The following TSC1 variants were observed in gnomAD, a reference collection of about 807,000 sequenced individuals.
The protein encoded by TSC1 is TSC complex subunit 1.
In TSC1, 20 loss-of-function variants were observed where a neutral mutation model predicts 124.3. The ratio of observed to expected loss-of-function variants is 0.16; its 90% confidence interval spans 0.11 to 0.23. The LOEUF is 0.23. Among genes scored for constraint, TSC1 ranks in the 10% least tolerant of loss-of-function variants. The pLI is 1.00. For missense variants in TSC1, 1,124 were observed against 1,448.5 expected (o/e 0.78, Z 3.64); for synonymous variants, 493 against 539.1 (o/e 0.91, Z 1.19).
Position 132,895,959 on chromosome 9 carries a change from A to C in TSC1, c.*276T>G. On this transcript the variant is annotated 3_prime_UTR_variant, in exon 23 of 23. Coordinates refer to ENST00000298552, the MANE Select transcript of TSC1 (RefSeq NM_000368.5). ...CATTTGGGGGGGAAAGGAAGAAAGTAAAGCTACTGAGGAACACCAACTGGC... is the reference window on the plus strand; with the variant it reads ...CATTTGGGGGGGAAAGGAAGAAAGTCAAGCTACTGAGGAACACCAACTGGC... 1 of 516,652 alleles carries C rather than the reference A, an allele frequency of 1.9e-6. No individual in the cohort carries two copies. The highest frequency in any genetic ancestry group is 3.4e-5 in the East Asian group (1 of 29,798). The allele number at this position is 516,652 out of a possible 1,614,324, so 32.0% of individuals were successfully genotyped here.
intron 2 of TSC1, among the ~76,000 whole-genome samples, chr9:132,931,997 T>C (rs1301271249): frequency 1.3e-5 from 2 of 152,214 alleles, no homozygotes; most frequent in Admixed American, 6.5e-5. Context: ...AGCATCAGTG[T>C]GTTAGCCACA....
intron 1 of TSC1, among the ~76,000 whole-genome samples, chr9:132,937,063 G>A (rs1412222368): frequency 6.6e-6 from 1 of 152,230 alleles, no homozygotes; most frequent in Non-Finnish European, 1.5e-5. Context: ...AGGCAGGCTG[G>A]CCCTCCAGAA....
chr9:132,901,548 T>C (rs1001342661), intron 19 of TSC1, 41 bp downstream of exon 19: 13 of 1,521,436 alleles, frequency 8.5e-6, no homozygotes, highest in Non-Finnish European at 1.2e-5. Flanking sequence ...TGTTAGCAAA[T>C]GGTGTTTCAG....
chr9:132,898,250 G>A (rs574213791), intron 20 of TSC1, among the ~76,000 whole-genome samples: 3 of 152,342 alleles, frequency 2.0e-5, no homozygotes, highest in South Asian at 4.1e-4. Context: ...TTTGTTGATC[G>A]TGCTAAGGCA....
rs1444930675 is a variant in TSC1 at position 132,891,807 on chromosome 9, G to A, written c.*4428C>T. On this transcript the variant is annotated 3_prime_UTR_variant, in exon 23 of 23. Coordinates refer to ENST00000298552, the MANE Select transcript of TSC1 (RefSeq NM_000368.5). Reference sequence around the variant, plus strand: ...AAATGCGTGGCTGCCTCTTTCATAAGCCAAAGTACTTGCTACACAGAGCAG... The same window carrying A: ...AAATGCGTGGCTGCCTCTTTCATAAACCAAAGTACTTGCTACACAGAGCAG... 3 of 233,536 alleles carry A rather than the reference G, an allele frequency of 1.3e-5. No homozygotes were observed. The highest frequency in any genetic ancestry group is 1.8e-4 in the South Asian group (1 of 5,534). The allele number at this position is 233,536 out of a possible 1,614,324, so 14.5% of individuals were successfully genotyped here. A position where few individuals can be genotyped will look rare whatever the true frequency, so the allele number is the denominator to read the frequency against.
rs753784286 is a variant in TSC1, at chr9:132,893,492, C to T, written c.*2743G>A. 13 of 233,240 alleles carry T rather than the reference C, an allele frequency of 5.6e-5. No individual in the cohort carries two copies. The highest frequency in any genetic ancestry group is 6.8e-5 in the Non-Finnish European group (8 of 118,032). 14.4% of individuals were successfully genotyped at this position (233,240 alleles called of 1,614,324 possible). A position where few individuals can be genotyped will look rare whatever the true frequency, so the allele number is the denominator to read the frequency against. ...TGTGTTTATTCACCTGCAGGGACTC[C>T]GGAGCTCATTTGCTCTGCGTCTTCC... On this transcript the variant is annotated 3_prime_UTR_variant, in exon 23 of 23. Transcript: ENST00000298552.
rs759648118 is a variant in TSC1 at position 132,925,759 on chromosome 9, AG to A, written c.211-21del. ...GAGGTGCTGAAAATGTAAAAGAACA[AG>A]GGCAGTCCTCACATGAATGTATGAA... On this transcript the variant is annotated intron_variant, in intron 4 of 22. Coordinates refer to ENST00000298552, the MANE Select transcript of TSC1 (RefSeq NM_000368.5). 6.2e-7 allele frequency: 1 copy of A among 1,614,200 alleles called. No homozygotes were observed. Among genetic ancestry groups the A allele is most frequent in the Non-Finnish European group, 8.5e-7 (1 of 1,180,002 alleles).
At chr9:132,937,270 C>G (rs985593971) in intron 1 of TSC1, among the ~76,000 whole-genome samples, 8 of 152,232 alleles carry the variant, frequency 5.3e-5, no homozygotes, top group African/African-American at 1.9e-4. Flanking sequence ...ATGGAGAAAC[C>G]CCATCTCTAC....
At chr9:132,911,589 A>T (rs7026879) in intron 9 of TSC1, 21 bp from the exon 10 acceptor site, 3 of 1,175,176 alleles carry the variant, frequency 2.6e-6, no homozygotes, top group Non-Finnish European at 3.8e-6. Context: ...AGAGAAGAAC[A>T]CAGGGGGTTA....
chr9:132,944,652 G>A (rs1355216302), upstream of TSC1: 2 of 398,638 alleles, frequency 5.0e-6, no homozygotes, highest in South Asian at 1.3e-4. Context: ...CAAGGCCGAC[G>A]GCGGCCTCCG....
At position 132,903,795 on chromosome 9, in the gene TSC1, G is replaced by A. The variant is rs878853963; in HGVS notation, c.2064C>T (p.Ile688=). The A allele has an allele frequency of 1.9e-6, 3 of 1,613,866 alleles. No individual in the cohort carries two copies. The East Asian group carries it at 6.7e-5, about 36-fold the overall frequency. ...AAAGCAACTGGTCTCGGAGGGTGCG[G>A]ATCTCATCTGAAGGAGGAGAGCCTG... The part of the protein sequence containing the change: ...HFGGSPPSDE[I]RTLRDQLLLL... The change falls in exon 17 of 23, where the codon ATC becomes ATT. Residue 688 remains isoleucine (I), a synonymous_variant. Coordinates refer to ENST00000298552, the MANE Select transcript of TSC1 (RefSeq NM_000368.5). The surrounding 1 kb of genome is among the most constrained non-coding windows in gnomAD (Gnocchi z 5.9).
Position 132,923,542 on chromosome 9 carries a change from G to A in TSC1, c.364-50C>T, listed in dbSNP as rs971589702. On this transcript the variant is annotated intron_variant, in intron 5 of 22. Coordinates refer to ENST00000298552, the MANE Select transcript of TSC1 (RefSeq NM_000368.5). The surrounding 1 kb of genome is among the most constrained non-coding windows in gnomAD (Gnocchi z 4.2). ...AAACGTCTGTCAGGCACTGGCACCA[G>A]GATCGGCATTGTACAGTACATGAAG... 3.1e-6 allele frequency: 5 copies of A among 1,613,218 alleles called. No individual in the cohort carries two copies. The highest frequency in any genetic ancestry group is 4.2e-6 in the Non-Finnish European group (5 of 1,179,486).
Position 132,900,820 on chromosome 9 carries a change from C to G in TSC1, c.2520G>C (p.Ser840=), listed in dbSNP as rs547498792. The change falls in exon 20 of 23, where the codon TCG becomes TCC. Residue 840 remains serine (S), a synonymous_variant. Transcript: ENST00000298552. ...QVSQKLSNSE[S]VQQQMEFLNR... ...TCAAGAACTCCATCTGCTGCTGGAC[C>G]GACTCACTGTTTGAGAGCTAACCAA... 3 of 1,614,104 alleles carry G rather than the reference C, an allele frequency of 1.9e-6. No individual in the cohort carries two copies. In the South Asian group the frequency reaches 3.3e-5, roughly 18 times the overall value.
chr9:132,908,161 T>C (rs1845766013), intron 12 of TSC1, among the ~76,000 whole-genome samples: 3 of 152,216 alleles, frequency 2.0e-5, no homozygotes, highest in Admixed American at 6.5e-5. Flanking sequence ...ATTATTATAT[T>C]AGAAAACCAG....
rs1844826078 is a variant in TSC1, at chr9:132,892,531, A to C, written c.*3704T>G. ...CCCCCTGGGGGAACAACTCTCCAAG[A>C]GTATCCGCAGGAGGTGGGCGGCACC... On this transcript the variant is annotated 3_prime_UTR_variant, in exon 23 of 23. Transcript: ENST00000298552. 4.3e-6 allele frequency: 1 copy of C among 233,320 alleles called. No homozygotes were observed. The highest frequency in any genetic ancestry group is 2.2e-5 in the African/African-American group (1 of 45,340). 14.5% of individuals were successfully genotyped at this position (233,320 alleles called of 1,614,324 possible). A position where few individuals can be genotyped will look rare whatever the true frequency, so the allele number is the denominator to read the frequency against.
rs149902841 is a variant in TSC1, at chr9:132,895,394, G to A, written c.*841C>T. The A allele has an allele frequency of 7.6e-3, 1,766 of 233,476 alleles. 14 individuals are homozygous for A. Among genetic ancestry groups the A allele is most frequent in the African/African-American group, 0.028 (1,266 of 45,422 alleles). 14.5% of individuals were successfully genotyped at this position (233,476 alleles called of 1,614,324 possible). On this transcript the variant is annotated 3_prime_UTR_variant, in exon 23 of 23. Transcript: ENST00000298552. Reference sequence around the variant, plus strand: ...AGTTCCTCATGCTCAAGTGCTTCTCGGGTAACCTCTCCCAGTGACTGCTCC... The same window carrying A: ...AGTTCCTCATGCTCAAGTGCTTCTCAGGTAACCTCTCCCAGTGACTGCTCC...
At chr9:132,934,546 G>A (rs961938418) in intron 2 of TSC1, 7 of 152,430 alleles carry the variant, frequency 4.6e-5, no homozygotes, top group African/African-American at 1.7e-4. Context: ...GTTAACTAAG[G>A]GATGGAATCC....
chr9:132,924,530 G>T (rs13295634), intron 5 of TSC1, among the ~76,000 whole-genome samples: 105,345 of 151,946 alleles, frequency 0.69, 36,577 homozygotes, highest in South Asian at 0.76. Flanking sequence ...TTAACAAAAC[G>T]TACTCTTTTG....
chr9:132,902,000 G>A (rs112448152), intron 18 of TSC1: 64 of 345,388 alleles, frequency 1.9e-4, no homozygotes, highest in African/African-American at 1.3e-3. Context: ...CTGAATTTTC[G>A]AGGGAGACGC....
Sources: allele counts gnomAD v4.1 joint callset (sites outside exome capture counted in the v4.1 genomes callset), GRCh38; gene constraint gnomAD v4.1.1; non-coding constraint Gnocchi (gnomAD v3.1); transcripts MANE v1.5; gene names NCBI Gene and HGNC (gene_info 2026-07-23, HGNC 2026-07-21).